The following TCAIM variants were observed in gnomAD, a reference collection of about 807,000 sequenced individuals.
The protein encoded by TCAIM is T-cell activation inhibitor, mitochondrial.
A neutral mutation model predicts 58.6 loss-of-function variants in TCAIM; 36 were observed. The observed-to-expected ratio is 0.61, with a 90% CI of 0.47 to 0.81. The LOEUF is 0.81. TCAIM is among the 30% of genes least tolerant of loss of function. The pLI, the probability that TCAIM is intolerant of heterozygous loss-of-function variation, is 0.00. For missense variants in TCAIM, 466 were observed against 579.6 expected (o/e 0.80, Z 2.01); for synonymous variants, 172 against 193.6 (o/e 0.89, Z 0.93).
intron 1 of TCAIM, among the ~76,000 whole-genome samples, chr3:44,341,854 C>T (rs943644110): frequency 1.1e-4 from 16 of 152,156 alleles, no homozygotes; most frequent in African/African-American, 3.9e-4. Flanking sequence ...AAAACACATA[C>T]ACAAAGTCAG....
At chr3:44,342,772 T>C (rs1159763907) in intron 1 of TCAIM, among the ~76,000 whole-genome samples, 3 of 151,750 alleles carry the variant, frequency 2.0e-5, no homozygotes, top group African/African-American at 7.3e-5. Context: ...ATCAGTAATA[T>C]GTTGGGGGTA....
chr3:44,345,651 A>G (rs1700951476), intron 1 of TCAIM, among the ~76,000 whole-genome samples: 1 of 152,150 alleles, frequency 6.6e-6, no homozygotes, highest in South Asian at 2.1e-4. Flanking sequence ...AGTGAGATTG[A>G]TAGTGTGGTG....
At chr3:44,382,878 C>T (rs1701675801) in intron 5 of TCAIM, among the ~76,000 whole-genome samples, 1 of 152,094 alleles carries the variant, frequency 6.6e-6, no homozygotes, top group African/African-American at 2.4e-5. Context: ...AAATAAAGAA[C>T]TCCTAAAACT....
intron 4 of TCAIM, among the ~76,000 whole-genome samples, chr3:44,365,704 T>C (rs559253104): frequency 6.6e-6 from 1 of 152,318 alleles, no homozygotes; most frequent in Non-Finnish European, 1.5e-5. Flanking sequence ...CTTTCTGTGA[T>C]GAGGGAAATG....
chr3:44,356,936 A>C (rs1357538766), intron 2 of TCAIM, among the ~76,000 whole-genome samples: 5 of 152,152 alleles, frequency 3.3e-5, no homozygotes, highest in Admixed American at 1.3e-4. Context: ...AGCCAAGATC[A>C]TGCCACTGCA....
intron 5 of TCAIM, among the ~76,000 whole-genome samples, chr3:44,377,037 C>T (rs867075233): frequency 6.6e-6 from 1 of 152,162 alleles, no homozygotes; most frequent in Admixed American, 6.5e-5. Flanking sequence ...TTGCAGTGAG[C>T]CGTGATCATG....
chr3:44,367,776 A>G (rs1475104428), intron 5 of TCAIM, 68 bp downstream of exon 5: 1 of 1,401,248 alleles, frequency 7.1e-7, no homozygotes, highest in South Asian at 1.7e-5. Flanking sequence ...ATTTATTGGG[A>G]TGGCAAAAAC....
chr3:44,338,379 G>A (rs1025646560), upstream of TCAIM: 21 of 152,354 alleles, frequency 1.4e-4, no homozygotes, highest in African/African-American at 4.1e-4. Flanking sequence ...AGTTACCAGG[G>A]TGCTGACGTC....
intron 5 of TCAIM, among the ~76,000 whole-genome samples, chr3:44,374,098 A>G (rs1178599644): frequency 6.6e-6 from 1 of 152,152 alleles, no homozygotes; most frequent in Non-Finnish European, 1.5e-5. Flanking sequence ...ATGAAATACC[A>G]TGTTGGACAC....
intron 5 of TCAIM, among the ~76,000 whole-genome samples, chr3:44,379,937 A>G (rs1701629247): frequency 6.6e-6 from 1 of 152,172 alleles, no homozygotes; most frequent in South Asian, 2.1e-4. Flanking sequence ...AATAACTATC[A>G]GGTACTGTGC....
At chr3:44,400,852 TTAAAC>T (rs1167503860) in intron 9 of TCAIM, 6 of 510,714 alleles carry the variant, frequency 1.2e-5, no homozygotes, top group Admixed American at 3.6e-5. Context: ...CATTATAAGA[TTAAAC>T]TAATAGTAAA....
At chr3:44,344,535 A>G (rs982753773) in intron 1 of TCAIM, among the ~76,000 whole-genome samples, 1 of 152,030 alleles carries the variant, frequency 6.6e-6, no homozygotes, top group South Asian at 2.1e-4. Context: ...ATAACTTCAC[A>G]TGGTAGGGGG....
intron 10 of TCAIM, among the ~76,000 whole-genome samples, 184 bp from the exon 11 acceptor site, chr3:44,407,258 T>A (rs1345922144): frequency 6.6e-6 from 1 of 152,178 alleles, no homozygotes; most frequent in Non-Finnish European, 1.5e-5. Context: ...TCAAAAGATT[T>A]AACAATGATG....
chr3:44,384,464 C>G (rs1701702578), intron 5 of TCAIM, among the ~76,000 whole-genome samples: 1 of 152,188 alleles, frequency 6.6e-6, no homozygotes, highest in African/African-American at 2.4e-5. Context: ...ATCTTTCCCT[C>G]ATGGGGGTAA....
chr3:44,390,957 G>A (rs957308951), intron 5 of TCAIM, among the ~76,000 whole-genome samples: 16 of 151,968 alleles, frequency 1.1e-4, no homozygotes, highest in East Asian at 5.8e-4. Flanking sequence ...TCCCCTCCCC[G>A]TCACCACCCA....
intron 5 of TCAIM, among the ~76,000 whole-genome samples, chr3:44,381,577 G>T (rs571178849): frequency 1.3e-5 from 2 of 152,192 alleles, no homozygotes; most frequent in Non-Finnish European, 2.9e-5. Context: ...AAGGAAGTAG[G>T]CAAGGATGCC....
At chr3:44,377,063 C>G (rs1701577153) in intron 5 of TCAIM, among the ~76,000 whole-genome samples, 1 of 152,132 alleles carries the variant, frequency 6.6e-6, no homozygotes, top group South Asian at 2.1e-4. Flanking sequence ...GCACTCCAGC[C>G]TGGGCAACAG....
chr3:44,346,068 C>T (rs931890745), intron 1 of TCAIM, among the ~76,000 whole-genome samples: 4 of 152,160 alleles, frequency 2.6e-5, no homozygotes, highest in Non-Finnish European at 5.9e-5. Context: ...TGTAGCGTCC[C>T]GAGGACAGGC....
At chr3:44,376,136 CAG>C (rs745752391) in intron 5 of TCAIM, among the ~76,000 whole-genome samples, 5 of 152,240 alleles carry the variant, frequency 3.3e-5, no homozygotes, top group East Asian at 1.9e-4. Flanking sequence ...TCTAGAGAAA[CAG>C]AAAGTAGATT....
Sources: allele counts gnomAD v4.1 joint callset (sites outside exome capture counted in the v4.1 genomes callset), GRCh38; gene constraint gnomAD v4.1.1; transcripts MANE v1.5; gene names NCBI Gene and HGNC (gene_info 2026-07-23, HGNC 2026-07-21).